The following SMARCA4 variants were observed in gnomAD, a reference collection of about 807,000 sequenced individuals.
SMARCA4 encodes SWI/SNF-related matrix-associated actin-dependent regulator of chromatin subfamily A member 4.
Under a neutral mutation model 193.9 loss-of-function variants are expected in SMARCA4, and 31 were observed. That is an observed-to-expected ratio of 0.16 (90% CI 0.12 to 0.22). The LOEUF is 0.22. Ranked by LOEUF, SMARCA4 falls within the 10% of genes least tolerant of loss-of-function variation. The pLI, the probability that SMARCA4 is intolerant of heterozygous loss-of-function variation, is 1.00. For synonymous variants in SMARCA4, 942 were observed against 933.1 expected (o/e 1.01, Z -0.17); for missense variants, 1,148 against 2,296.0 (o/e 0.50, Z 10.22).
At chr19:10,992,818 G>A (rs1973690547) in intron 8 of SMARCA4, among the ~76,000 whole-genome samples, 1 of 152,044 alleles carries the variant, frequency 6.6e-6, no homozygotes, top group Admixed American at 6.6e-5. Flanking sequence ...GTCTCAGACT[G>A]TTGACCTCGT....
rs558283714 is a variant in SMARCA4 at position 10,994,440 on chromosome 19, C to T, written c.1420-388C>T. On this transcript the variant is annotated intron_variant, in intron 8 of 34. Coordinates refer to ENST00000344626, the MANE Select transcript of SMARCA4 (RefSeq NM_003072.5). ...CCGGGTTCACGCCATTCTCCTGCCT[C>T]AGCCTCCCGAGTAGCTGGGACTACA... Among the ~76,000 whole-genome samples the T allele has an allele frequency of 4.6e-5, 7 of 151,270 alleles. No individual in the cohort carries two copies. In the East Asian group the frequency reaches 1.4e-3, roughly 29 times the overall value.
chr19:11,008,167 T>C (rs2088427368), intron 14 of SMARCA4, 144 bp downstream of exon 14: 3 of 766,214 alleles, frequency 3.9e-6, no homozygotes, highest in Admixed American at 2.0e-5. Flanking sequence ...ACCAAATTTA[T>C]TTACTTCACA....
At chr19:11,050,251 C>T (rs1011828234) in intron 30 of SMARCA4, among the ~76,000 whole-genome samples, 4 of 152,226 alleles carry the variant, frequency 2.6e-5, no homozygotes, top group Non-Finnish European at 4.4e-5. Context: ...TCCAGGCTGC[C>T]GCAGCTAAGC....
chr19:11,014,980 CTT>C (rs2089220482), intron 16 of SMARCA4, among the ~76,000 whole-genome samples: 1 of 151,834 alleles, frequency 6.6e-6, no homozygotes, highest in Non-Finnish European at 1.5e-5. Context: ...GTCCGGCTAA[CTT>C]TTTTGCATTT....
chr19:11,048,764 C>G (rs888714253), intron 30 of SMARCA4, among the ~76,000 whole-genome samples: 2 of 152,252 alleles, frequency 1.3e-5, no homozygotes, highest in Non-Finnish European at 2.9e-5. Flanking sequence ...GTTGGAGATA[C>G]TTGCAGCCCC....
chr19:10,963,418 G>A (rs1313067836), intron 1 of SMARCA4, among the ~76,000 whole-genome samples: 1 of 151,812 alleles, frequency 6.6e-6, no homozygotes, highest in Non-Finnish European at 1.5e-5. Context: ...TGCAGGACTG[G>A]GGGTGGATTG....
At chr19:10,963,484 C>T (rs1367193875) in intron 1 of SMARCA4, among the ~76,000 whole-genome samples, 1 of 151,898 alleles carries the variant, frequency 6.6e-6, no homozygotes, top group Non-Finnish European at 1.5e-5. Flanking sequence ...GCCATTGTTT[C>T]CTGAACCTCA....
Position 10,985,086 on chromosome 19 carries a change from G to A in SMARCA4, c.223-187G>A, listed in dbSNP as rs2085899147. 6.6e-6 allele frequency among the ~76,000 whole-genome samples: 1 copy of A among 152,084 alleles called. No individual in the cohort carries two copies. The highest frequency in any genetic ancestry group is 6.6e-5 in the Admixed American group (1 of 15,256). Reference sequence around the variant, plus strand: ...CTCCACTGGGCGACATTTATTTTGTGTACCTGTCTCGAGGCCTAAGTAGGT... The same window carrying A: ...CTCCACTGGGCGACATTTATTTTGTATACCTGTCTCGAGGCCTAAGTAGGT... On this transcript the variant is annotated intron_variant, in intron 2 of 34. Coordinates refer to ENST00000344626, the MANE Select transcript of SMARCA4 (RefSeq NM_003072.5). This position sits in a 1 kb window ranked among gnomAD's most constrained non-coding sequence, Gnocchi z 4.5.
chr19:10,988,060 CCTCACCTCCCTG>C, intron 6 of SMARCA4, 136 bp downstream of exon 6: 1 of 807,286 alleles, frequency 1.2e-6, no homozygotes, highest in Non-Finnish European at 2.0e-6. Flanking sequence ...ACACCTCCTT[CCTCACCTCCCTG>C]CTCCCACCCT....
At chr19:10,972,925 A>G (rs1218426985) in intron 1 of SMARCA4, among the ~76,000 whole-genome samples, 1 of 152,178 alleles carries the variant, frequency 6.6e-6, no homozygotes, top group Non-Finnish European at 1.5e-5. Context: ...CCTGGCCAAC[A>G]TAGTGAAACC....
intron 11 of SMARCA4, among the ~76,000 whole-genome samples, chr19:11,002,340 A>T (rs1438907008): frequency 6.6e-6 from 1 of 152,088 alleles, no homozygotes; most frequent in Non-Finnish European, 1.5e-5. Flanking sequence ...TTAGCTGGGC[A>T]TGGTGATGGG....
At chr19:11,037,153 C>T (rs1014554794) in intron 29 of SMARCA4, among the ~76,000 whole-genome samples, 1 of 152,212 alleles carries the variant, frequency 6.6e-6, no homozygotes, top group African/African-American at 2.4e-5. Context: ...TCTTTAATAT[C>T]TGATTTCTCT....
intron 1 of SMARCA4, among the ~76,000 whole-genome samples, chr19:10,981,801 T>C (rs1021386100): frequency 6.6e-6 from 1 of 151,536 alleles, no homozygotes; most frequent in African/African-American, 2.4e-5. Flanking sequence ...CTGGGCAACA[T>C]AGAGAGACCC....
chr19:11,058,291 G>T lies in SMARCA4; in HGVS notation c.4461G>T (p.Gln1487His), dbSNP rs765608152. 1 of 1,613,486 alleles carries T rather than the reference G, an allele frequency of 6.2e-7. No homozygotes were observed. The highest frequency in any genetic ancestry group is 8.5e-7 in the Non-Finnish European group (1 of 1,179,958). The change falls in exon 31 of 35, where the codon CAG becomes CAT. Residue 1487 changes from glutamine to histidine, a missense_variant. Physicochemically the swap from Gln to His is conservative, Grantham distance 24. Transcript: ENST00000344626. This position sits in a 1 kb window ranked among gnomAD's most constrained non-coding sequence, Gnocchi z 5.8. ...SGRQLSEVFI[Q>H]LPSRKELPEY... The stretch of plus-strand genomic sequence containing the variant: ...GTCAGCTCAGCGAGGTCTTCATCCA[G>T]CTGCCCTCGCGAAAGGAGCTGCCCG...
At chr19:10,973,963 T>C (rs1423021526) in intron 1 of SMARCA4, among the ~76,000 whole-genome samples, 8 of 152,118 alleles carry the variant, frequency 5.3e-5, no homozygotes, top group Admixed American at 5.2e-4. Flanking sequence ...ATCCTGCCCA[T>C]TGCTGTTGTT....
Position 10,986,466 on chromosome 19 carries a change from C to T in SMARCA4, c.633C>T (p.Pro211=), listed in dbSNP as rs770746055. 1.3e-5 allele frequency: 21 copies of T among 1,555,962 alleles called. No individual in the cohort carries two copies. The highest frequency in any genetic ancestry group is 2.7e-5 in the African/African-American group (2 of 73,368). The change falls in exon 4 of 35, where the codon CCC becomes CCT. Residue 211 remains proline, a synonymous_variant. Coordinates refer to ENST00000344626, the MANE Select transcript of SMARCA4 (RefSeq NM_003072.5). This position sits in a 1 kb window ranked among gnomAD's most constrained non-coding sequence, Gnocchi z 6.7. Reference sequence around the variant, plus strand: ...CGGTGCAGGGCAAGCGGCCGATGCCCGGGATGCAGCAGCAGATGCCAACGC... The same window carrying T: ...CGGTGCAGGGCAAGCGGCCGATGCCTGGGATGCAGCAGCAGATGCCAACGC... ...QMAVQGKRPM[P]GMQQQMPTLP... is the part of the protein sequence containing the mutation.
intron 1 of SMARCA4, among the ~76,000 whole-genome samples, chr19:10,964,085 T>C (rs1366364597): frequency 2.6e-5 from 4 of 152,120 alleles, no homozygotes; most frequent in Non-Finnish European, 2.9e-5. Context: ...GTCATCAGAA[T>C]TGTGATATAG....
At chr19:11,009,202 A>T (rs999398946) in intron 14 of SMARCA4, among the ~76,000 whole-genome samples, 2 of 150,584 alleles carry the variant, frequency 1.3e-5, no homozygotes, top group Non-Finnish European at 3.0e-5. Context: ...TTGTGTTTTT[A>T]GTAGAGATGG....
chr19:11,041,512 C>T lies in SMARCA4; in HGVS notation c.4376C>T (p.Thr1459Ile), dbSNP rs1555788341. 6.2e-7 allele frequency: 1 copy of T among 1,613,896 alleles called. No individual in the cohort carries two copies. The highest frequency in any genetic ancestry group is 8.5e-7 in the Non-Finnish European group (1 of 1,179,988). ...EKLSPNPPNLTKKMKKIVDAV... is the reference protein window; with the variant it reads ...EKLSPNPPNLIKKMKKIVDAV... ...CTCTCCCCTAACCCACCCAACCTCA[C>T]CAAGAAGATGAAGAAGATTGTGGAT... The change falls in exon 30 of 35, where the codon ACC becomes ATC. Residue 1459 changes from threonine to isoleucine, a missense_variant. Coordinates refer to ENST00000344626, the MANE Select transcript of SMARCA4 (RefSeq NM_003072.5). This position sits in a 1 kb window ranked among gnomAD's most constrained non-coding sequence, Gnocchi z 5.6.
Sources: allele counts gnomAD v4.1 joint callset (sites outside exome capture counted in the v4.1 genomes callset), GRCh38; gene constraint gnomAD v4.1.1; non-coding constraint Gnocchi (gnomAD v3.1); transcripts MANE v1.5; gene names NCBI Gene and HGNC (gene_info 2026-07-23, HGNC 2026-07-21).